Variants in USP24 observed in about 807,000 individuals in gnomAD.
The protein encoded by USP24 is ubiquitin specific peptidase 24.
Under a neutral mutation model 361.6 loss-of-function variants are expected in USP24, and 97 were observed. The ratio of observed to expected loss-of-function variants is 0.27; its 90% CI spans 0.23 to 0.32. The LOEUF (loss-of-function observed/expected upper bound fraction) is 0.32. USP24 is among the 10% of genes least tolerant of loss of function. The pLI is 1.00. For synonymous variants in USP24, 1,098 were observed against 1,124.6 expected (o/e 0.98, Z 0.47); for missense variants, 2,353 against 3,165.6 (o/e 0.74, Z 6.16).
chr1:55,081,465 C>T (rs1645147267), intron 58 of USP24, 41 bp from the exon 59 acceptor site: 2 of 1,566,130 alleles, frequency 1.3e-6, no homozygotes, highest in East Asian at 4.5e-5. Flanking sequence ...GTGTTGTCGT[C>T]AGAAATAATA....
rs1265121824 is a variant in USP24, at chr1:55,120,800, A to G, written c.4348-44T>C. The G allele has an allele frequency of 2.7e-6, 4 of 1,484,144 alleles. No individual in the cohort carries two copies. The South Asian group carries it at 4.1e-5, about 15-fold the overall frequency. 91.9% of individuals were successfully genotyped at this position (1,484,144 alleles called of 1,614,324 possible). A position where few individuals can be genotyped will look rare whatever the true frequency, so the allele number is the denominator to read the frequency against. On this transcript the variant is annotated intron_variant, in intron 37 of 67. Transcript: ENST00000294383. ...CAGCAAAGGACAGACATGAATCAAC[A>G]TGTTGAGACTGCTTAAAAAGTGATT...
chr1:55,126,401 G>A (rs1396330444), intron 32 of USP24, among the ~76,000 whole-genome samples: 1 of 151,864 alleles, frequency 6.6e-6, no homozygotes, highest in African/African-American at 2.4e-5. Context: ...CCGAATCCCT[G>A]CTTCCTTCTT....
intron 43 of USP24, 122 bp from the exon 44 acceptor site, chr1:55,101,086 C>T (rs1461516584): frequency 3.5e-6 from 4 of 1,154,416 alleles, no homozygotes; most frequent in African/African-American, 3.2e-5. Flanking sequence ...TTGGACATGG[C>T]TATAATGCTG....
chr1:55,144,851 A>T (rs1215226816), intron 20 of USP24, among the ~76,000 whole-genome samples: 1 of 152,048 alleles, frequency 6.6e-6, no homozygotes, highest in East Asian at 1.9e-4. Context: ...GGAGAATCAC[A>T]TGAACCTGGG....
At chr1:55,120,364 G>C (rs1223324928) in intron 38 of USP24, among the ~76,000 whole-genome samples, 1 of 152,042 alleles carries the variant, frequency 6.6e-6, no homozygotes, top group African/African-American at 2.4e-5. Context: ...TTTCTCTCTG[G>C]GGTAGATGAA....
At chr1:55,208,957 A>C (rs1053337546) in intron 1 of USP24, among the ~76,000 whole-genome samples, 4 of 152,138 alleles carry the variant, frequency 2.6e-5, no homozygotes, top group African/African-American at 9.7e-5. Flanking sequence ...ACAAAACAAA[A>C]AAAACCCAAT....
intron 63 of USP24, among the ~76,000 whole-genome samples, chr1:55,074,647 TAAATAAATA>T (rs1403092471): frequency 3.6e-5 from 5 of 138,310 alleles, no homozygotes; most frequent in African/African-American, 1.3e-4. Context: ...AATAAATAAA[TAAATAAATA>T]AATAAATAAA....
rs370880246 is a variant in USP24 at position 55,154,178 on chromosome 1, C to T, written c.1753G>A (p.Ala585Thr). The change falls in exon 15 of 68, where the codon GCA (alanine) becomes ACA (threonine). Residue 585 changes from alanine to threonine, a missense_variant. By Grantham distance (58) the Ala-to-Thr change is moderately conservative. This residue lies in a region of USP24 where 386 missense variants were observed against 560.5 expected (regional missense o/e 0.69). Transcript: ENST00000294383. ...CTCCTCTTGATTGCTTCTTTCACTGCATATGCATCACTAAGGATTGTCAGG... is the reference window on the plus strand; with the variant it reads ...CTCCTCTTGATTGCTTCTTTCACTGTATATGCATCACTAAGGATTGTCAGG... Reference protein sequence around the residue: ...EHLTILSDAYAVKEAIKRSYI... With the variant: ...EHLTILSDAYTVKEAIKRSYI... The T allele has an allele frequency of 7.4e-5, 119 of 1,613,538 alleles. No individual in the cohort carries two copies. The highest frequency in any genetic ancestry group is 9.1e-5 in the Non-Finnish European group (107 of 1,179,720).
At chr1:55,120,355 TTC>T (rs1426424118) in intron 38 of USP24, among the ~76,000 whole-genome samples, 2 of 152,126 alleles carry the variant, frequency 1.3e-5, no homozygotes, top group Non-Finnish European at 2.9e-5. Flanking sequence ...GAGCTCCTTT[TTC>T]TCTCTGGGGT....
intron 54 of USP24, among the ~76,000 whole-genome samples, chr1:55,090,142 T>C (rs961846270): frequency 2.0e-5 from 3 of 152,210 alleles, no homozygotes; most frequent in South Asian, 4.1e-4. Context: ...GACATTTTTA[T>C]GCTTTATTGC....
In USP24 at chr1:55,178,083, G is replaced by C; in HGVS notation, c.374C>G (p.Thr125Arg). Residue 125 changes from threonine to arginine, a missense_variant, in exon 2 of 68, where the codon ACA becomes AGA. Coordinates refer to ENST00000294383, the MANE Select transcript of USP24 (RefSeq NM_015306.3). The part of the protein sequence containing the change: ...NCSGEGIEFP[T>R]TNLYELESRV... ...GCTTTCCAGTTCATATAAATTTGTT[G>C]TAGGGAATTCAATTCCTTCCCCTGA... 6.4e-7 allele frequency: 1 copy of C among 1,551,526 alleles called. No homozygotes were observed.
intron 63 of USP24, among the ~76,000 whole-genome samples, chr1:55,074,119 A>C (rs1412269240): frequency 1.3e-5 from 2 of 151,688 alleles, no homozygotes; most frequent in African/African-American, 4.8e-5. Context: ...AAAAAAAAAA[A>C]AAAAAAAAAC....
At chr1:55,165,714 A>G (rs1454058015) in intron 7 of USP24, among the ~76,000 whole-genome samples, 171 bp downstream of exon 7, 1 of 152,110 alleles carries the variant, frequency 6.6e-6, no homozygotes, top group Non-Finnish European at 1.5e-5. Flanking sequence ...CAATTTGGTT[A>G]TAATTAGGAG....
At chr1:55,069,541 C>T (rs555425723) in intron 67 of USP24, among the ~76,000 whole-genome samples, 2 of 152,266 alleles carry the variant, frequency 1.3e-5, no homozygotes, top group Admixed American at 1.3e-4. Flanking sequence ...GGCTTACACA[C>T]TTGGCGAATC....
At chr1:55,203,157 T>C (rs1644620739) in intron 1 of USP24, among the ~76,000 whole-genome samples, 1 of 152,102 alleles carries the variant, frequency 6.6e-6, no homozygotes. Context: ...TCCTCTGGGG[T>C]TCTCGGAATC....
At chr1:55,122,316 C>T (rs1469440431) in intron 36 of USP24, among the ~76,000 whole-genome samples, 2 of 152,084 alleles carry the variant, frequency 1.3e-5, no homozygotes, top group African/African-American at 2.4e-5. Context: ...GGAATGTATG[C>T]TGGCTGCTGG....
chr1:55,146,516 A>G (rs1387161250), intron 19 of USP24, among the ~76,000 whole-genome samples: 1 of 152,182 alleles, frequency 6.6e-6, no homozygotes, highest in East Asian at 1.9e-4. Context: ...TCCTGATTTA[A>G]TCTATCTTTG....
Position 55,141,754 on chromosome 1 carries a change from T to G in USP24, c.2635-23A>C, listed in dbSNP as rs756676077. 2.0e-5 allele frequency: 32 copies of G among 1,572,870 alleles called. 1 individual carries two copies. In the South Asian group the frequency reaches 3.6e-4, roughly 18 times the overall value. On this transcript the variant is annotated intron_variant, in intron 23 of 67. Coordinates refer to ENST00000294383, the MANE Select transcript of USP24 (RefSeq NM_015306.3). ...TGCCTAAAAAATACCAAACAGTCAT[T>G]CTCTATCAGGGTTTCTCAACCTGGA...
intron 63 of USP24, among the ~76,000 whole-genome samples, chr1:55,074,150 T>C (rs1214550257): frequency 6.7e-6 from 1 of 148,958 alleles, no homozygotes; most frequent in Non-Finnish European, 1.5e-5. Context: ...AAAACATACA[T>C]GGTGCTGCAA....
Sources: gnomAD v4.1 joint callset for allele counts (sites outside exome capture counted in the v4.1 genomes callset) on GRCh38, gnomAD v4.1.1 for gene constraint, gnomAD v4.1.1 regional missense constraint, MANE v1.5 for transcripts, NCBI Gene and HGNC (gene_info 2026-07-23, HGNC 2026-07-21) for gene names.